Variants in COMMD10 observed in about 807,000 individuals in gnomAD.
The protein encoded by COMMD10 is COMM domain-containing protein 10.
In COMMD10, 33 loss-of-function variants were observed where a neutral mutation model predicts 28.9. That is an observed-to-expected ratio of 1.14 (90% confidence interval 0.87 to 1.53). The LOEUF is 1.53. Ranked by LOEUF, COMMD10 falls within the 40% of genes most tolerant of loss-of-function variation. COMMD10 has a pLI of 0.00. For missense variants in COMMD10, 310 were observed against 233.4 expected, an observed-to-expected ratio of 1.33 and a Z score of -2.14; for synonymous variants, 110 against 81.7, an observed-to-expected ratio of 1.35 and a Z score of -1.87.
intron 4 of COMMD10, among the ~76,000 whole-genome samples, chr5:116,101,091 C>G (rs1588268): frequency 0.74 from 112,219 of 152,112 alleles, 41,807 homozygotes; most frequent in Non-Finnish European, 0.8. Flanking sequence ...TTTTATGGCT[C>G]AATAGTGTTC....
intron 5 of COMMD10, among the ~76,000 whole-genome samples, chr5:116,158,945 C>G (rs1203680881): frequency 1.3e-5 from 2 of 150,954 alleles, no homozygotes; most frequent in Admixed American, 1.3e-4. Flanking sequence ...TCAGTCTTGT[C>G]ACAGGGACTA....
At chr5:116,159,589 AG>A (rs2112565095) in intron 5 of COMMD10, among the ~76,000 whole-genome samples, 1 of 152,340 alleles carries the variant, frequency 6.6e-6, no homozygotes, top group Non-Finnish European at 1.5e-5. Flanking sequence ...GCTTGTATGC[AG>A]TGCAGTTAAT....
rs187017032 is a variant in COMMD10, at chr5:116,116,337, C to A, written c.400-17731C>A. Among the ~76,000 whole-genome samples the A allele has an allele frequency of 1.6e-3, 246 of 152,170 alleles. 2 individuals carry two copies. The highest frequency in any genetic ancestry group is 5.5e-3 in the African/African-American group (229 of 41,520). On this transcript the variant is annotated intron_variant, in intron 4 of 6. Transcript: ENST00000274458. ...TTTATTATTTTCTTTAATTTGATTTCATTTCTTTTGGCATTCTATGGATGG... is the reference window on the plus strand; with the variant it reads ...TTTATTATTTTCTTTAATTTGATTTAATTTCTTTTGGCATTCTATGGATGG...
At chr5:116,122,989 C>G (rs779898452) in intron 4 of COMMD10, among the ~76,000 whole-genome samples, 16 of 152,086 alleles carry the variant, frequency 1.1e-4, no homozygotes, top group Non-Finnish European at 1.3e-4. Context: ...TGCCTGCTTG[C>G]CCTGGCCAGA....
chr5:116,148,113 T>G (rs565525214), intron 5 of COMMD10, among the ~76,000 whole-genome samples: 1 of 152,010 alleles, frequency 6.6e-6, no homozygotes, highest in East Asian at 1.9e-4. Context: ...TAAAATACTA[T>G]ATACTAACAT....
chr5:116,207,386 G>C (rs1748840403), intron 5 of COMMD10, among the ~76,000 whole-genome samples: 1 of 152,174 alleles, frequency 6.6e-6, no homozygotes, highest in African/African-American at 2.4e-5. Context: ...TATAGTGAGA[G>C]ATCTGTTACT....
chr5:116,265,520 TTCC>T (rs1182915514), intron 5 of COMMD10, among the ~76,000 whole-genome samples: 52 of 151,886 alleles, frequency 3.4e-4, no homozygotes, highest in Non-Finnish European at 6.8e-4. Flanking sequence ...AGTTTGTGTT[TTCC>T]TTACTCACCA....
chr5:116,190,918 A>C (rs1748349041), intron 5 of COMMD10, among the ~76,000 whole-genome samples: 1 of 152,208 alleles, frequency 6.6e-6, no homozygotes, highest in Non-Finnish European at 1.5e-5. Flanking sequence ...TATTTTTAAA[A>C]GTCAAATTAA....
intron 5 of COMMD10, among the ~76,000 whole-genome samples, chr5:116,268,030 T>C (rs1031560420): frequency 6.6e-6 from 1 of 151,794 alleles, no homozygotes; most frequent in African/African-American, 2.4e-5. Flanking sequence ...ATTCAGGACA[T>C]AGGCATGGGC....
intron 5 of COMMD10, among the ~76,000 whole-genome samples, chr5:116,214,674 T>G (rs962994401): frequency 1.2e-4 from 19 of 152,288 alleles, no homozygotes; most frequent in African/African-American, 4.3e-4. Context: ...TCTGATCTTT[T>G]CATTAGTATT....
At chr5:116,102,487 T>C (rs965522142) in intron 4 of COMMD10, among the ~76,000 whole-genome samples, 39 of 152,224 alleles carry the variant, frequency 2.6e-4, no homozygotes, top group Admixed American at 2.4e-3. Flanking sequence ...AGTCAGAGAG[T>C]GTAAGGCCTC....
chr5:116,141,185 T>A (rs1015186627), intron 5 of COMMD10, among the ~76,000 whole-genome samples: 1 of 151,802 alleles, frequency 6.6e-6, no homozygotes, highest in Non-Finnish European at 1.5e-5. Flanking sequence ...AAGAGACAAT[T>A]CTTTCGTTAT....
chr5:116,215,874 G>A (rs1307455779), intron 5 of COMMD10, among the ~76,000 whole-genome samples: 1 of 151,140 alleles, frequency 6.6e-6, no homozygotes, highest in Non-Finnish European at 1.5e-5. Context: ...TAACATTGCT[G>A]TTGTGAAGAA....
chr5:116,248,368 ATAT>A (rs1441043433), intron 5 of COMMD10, among the ~76,000 whole-genome samples: 1 of 121,978 alleles, frequency 8.2e-6, no homozygotes, highest in African/African-American at 2.5e-5. Context: ...AAAAAGTATA[ATAT>A]TAAGAGTTAG....
intron 5 of COMMD10, among the ~76,000 whole-genome samples, chr5:116,150,609 C>G (rs1473879158): frequency 1.4e-5 from 2 of 139,166 alleles, no homozygotes; most frequent in East Asian, 2.0e-4. Context: ...ATTTTATTCT[C>G]TTTGAAGCAA....
At chr5:116,188,814 G>C (rs36100988) in intron 5 of COMMD10, among the ~76,000 whole-genome samples, 1 of 151,858 alleles carries the variant, frequency 6.6e-6, no homozygotes, top group South Asian at 2.1e-4. Flanking sequence ...TTTTTTTGTA[G>C]AGAGGGGGTT....
In COMMD10 at chr5:116,109,567, C is replaced by A. The variant is rs544504992; in HGVS notation, c.399+16867C>A. Among the ~76,000 whole-genome samples, 15 of 152,300 alleles carry A rather than the reference C, an allele frequency of 9.8e-5. No individual in the cohort carries two copies. In the South Asian group the frequency reaches 2.9e-3, roughly 29 times the overall value. ...CGAGATAGTGCCACTGCACTCCAGC[C>A]TGGGCGACAGAGTGAGACTCTGTCT... On this transcript the variant is annotated intron_variant, in intron 4 of 6. Coordinates refer to ENST00000274458, the MANE Select transcript of COMMD10 (RefSeq NM_016144.4).
intron 5 of COMMD10, among the ~76,000 whole-genome samples, chr5:116,232,371 A>T (rs1333921537): frequency 6.6e-6 from 1 of 151,986 alleles, no homozygotes; most frequent in Non-Finnish European, 1.5e-5. Context: ...TTTTAAATTG[A>T]AATATCAAAA....
At chr5:116,171,337 G>A (rs982389233) in intron 5 of COMMD10, among the ~76,000 whole-genome samples, 1 of 152,210 alleles carries the variant, frequency 6.6e-6, no homozygotes, top group Non-Finnish European at 1.5e-5. Flanking sequence ...ACCAGATGCT[G>A]GAGAGGGTGT....
Sources: allele counts gnomAD v4.1 joint callset (sites outside exome capture counted in the v4.1 genomes callset), GRCh38; gene constraint gnomAD v4.1.1; transcripts MANE v1.5; gene names NCBI Gene and HGNC (gene_info 2026-07-23, HGNC 2026-07-21).